The following DLGAP1 variants were observed in gnomAD, a reference collection of about 807,000 sequenced individuals.
DLGAP1 encodes disks large-associated protein 1.
DLGAP1 carries 11 observed loss-of-function variants against 90.8 expected under a neutral mutation model. The ratio of observed to expected loss-of-function variants is 0.12; its 90% confidence interval spans 0.08 to 0.20. The LOEUF (loss-of-function observed/expected upper bound fraction) is 0.20, where lower values mean the gene tolerates loss of function less well. Among genes scored for constraint, DLGAP1 ranks in the 10% least tolerant of loss-of-function variants. The pLI, the probability that DLGAP1 is intolerant of heterozygous loss-of-function variation, is 1.00. For missense variants in DLGAP1, 1,050 were observed against 1,333.8 expected (o/e 0.79, Z 3.31); for synonymous variants, 558 against 540.7 (o/e 1.03, Z -0.44).
chr18:3,760,979 C>G (rs966022166), intron 5 of DLGAP1, among the ~76,000 whole-genome samples: 1 of 152,206 alleles, frequency 6.6e-6, no homozygotes, highest in African/African-American at 2.4e-5. Context: ...CTCTTTAAAA[C>G]AGAGCTAACA....
At chr18:4,183,966 G>A (rs1598569145) in intron 1 of DLGAP1, among the ~76,000 whole-genome samples, 1 of 152,244 alleles carries the variant, frequency 6.6e-6, no homozygotes, top group South Asian at 2.1e-4. Context: ...TACAGAATGT[G>A]CATAATGCCC....
chr18:3,594,621 G>T (rs2056475050), intron 7 of DLGAP1: 2 of 152,242 alleles, frequency 1.3e-5, no homozygotes, highest in African/African-American at 4.8e-5. Flanking sequence ...TAGCTGCAGG[G>T]TTAAACCTCT....
intron 1 of DLGAP1, among the ~76,000 whole-genome samples, chr18:4,265,904 T>C (rs2079120801): frequency 6.6e-6 from 1 of 151,634 alleles, no homozygotes; most frequent in South Asian, 2.1e-4. Flanking sequence ...CCCAGGCTGG[T>C]CTTGAACTCC....
chr18:4,026,657 A>G (rs145520135), intron 2 of DLGAP1, among the ~76,000 whole-genome samples: 148 of 152,340 alleles, frequency 9.7e-4, no homozygotes, highest in African/African-American at 3.4e-3. Context: ...TAATCTGTGA[A>G]GTAGAAACTA....
At chr18:4,392,741 C>T (rs972862409) in intron 1 of DLGAP1, among the ~76,000 whole-genome samples, 6 of 152,142 alleles carry the variant, frequency 3.9e-5, no homozygotes, top group African/African-American at 1.4e-4. Context: ...TTCTGAGATC[C>T]AGCCTCACAT....
intron 3 of DLGAP1, among the ~76,000 whole-genome samples, chr18:3,922,741 C>A (rs1047852324): frequency 6.6e-6 from 1 of 152,064 alleles, no homozygotes; most frequent in East Asian, 1.9e-4. Context: ...CATATATATC[C>A]ATTTCCATGA....
rs566309316 is a variant in DLGAP1 at position 4,290,900 on chromosome 18, C to T, written c.-266-139613G>A. Among the ~76,000 whole-genome samples, 13 of 152,196 alleles carry T rather than the reference C, an allele frequency of 8.5e-5. No homozygotes were observed. The East Asian group carries it at 1.2e-3, about 14-fold the overall frequency. ...CCACCTTGATGTGAAGTGCCCTGTA[C>T]GGAGTGCTCAGCGTGTTTTGATAGT... On this transcript the variant is annotated intron_variant, in intron 1 of 12. Coordinates refer to ENST00000315677, the MANE Select transcript of DLGAP1 (RefSeq NM_004746.4).
At chr18:3,604,232 C>T (rs2057213941) in intron 7 of DLGAP1, 1 of 152,256 alleles carries the variant, frequency 6.6e-6, no homozygotes, top group South Asian at 2.1e-4. Context: ...CTGATATGGG[C>T]TGTCTGTTCC....
At chr18:4,115,759 CA>C (rs2076054077) in intron 2 of DLGAP1, among the ~76,000 whole-genome samples, 1 of 152,178 alleles carries the variant, frequency 6.6e-6, no homozygotes, top group Admixed American at 6.5e-5. Flanking sequence ...CCACCGCGCC[CA>C]GCCCATCTGG....
intron 7 of DLGAP1, among the ~76,000 whole-genome samples, chr18:3,634,719 T>C: frequency 6.6e-6 from 1 of 152,212 alleles, no homozygotes; most frequent in East Asian, 1.9e-4. Flanking sequence ...GATGAGGTAA[T>C]TGGAAAGATA....
intron 2 of DLGAP1, among the ~76,000 whole-genome samples, chr18:4,106,025 C>A (rs2075859296): frequency 9.1e-6 from 1 of 109,702 alleles, no homozygotes; most frequent in Admixed American, 1.1e-4. Flanking sequence ...GAGCGAGGGT[C>A]CGTCTCAAAA....
At chr18:4,055,909 T>C (rs2075207261) in intron 2 of DLGAP1, among the ~76,000 whole-genome samples, 1 of 151,966 alleles carries the variant, frequency 6.6e-6, no homozygotes, top group African/African-American at 2.4e-5. Context: ...GGTGGATGTG[T>C]CATCTTCACT....
intron 7 of DLGAP1, among the ~76,000 whole-genome samples, chr18:3,583,686 G>A (rs771784772): frequency 1.3e-5 from 2 of 152,158 alleles, no homozygotes; most frequent in African/African-American, 2.4e-5. Context: ...GGTGGCTCTC[G>A]CCTGTAATCC....
intron 11 of DLGAP1, among the ~76,000 whole-genome samples, chr18:3,507,876 A>G (rs2050330039): frequency 1.3e-5 from 2 of 150,426 alleles, no homozygotes; most frequent in Non-Finnish European, 2.9e-5. Context: ...AGCTGGGATT[A>G]TAGGCACCTG....
intron 9 of DLGAP1, 115 bp downstream of exon 9, chr18:3,567,375 C>T: frequency 2.3e-6 from 2 of 851,622 alleles, no homozygotes; most frequent in East Asian, 2.5e-5. Flanking sequence ...CCTTTAAATA[C>T]TCCCAAAACT....
chr18:4,176,245 A>G (rs1056028414), intron 1 of DLGAP1, among the ~76,000 whole-genome samples: 1 of 152,310 alleles, frequency 6.6e-6, no homozygotes, highest in East Asian at 1.9e-4. Flanking sequence ...TTCTCACTAC[A>G]TGTTGTAAAT....
chr18:4,249,082 G>A (rs1265443908), intron 1 of DLGAP1, among the ~76,000 whole-genome samples: 6 of 152,094 alleles, frequency 3.9e-5, no homozygotes, highest in African/African-American at 7.2e-5. Flanking sequence ...TGAAAATCCC[G>A]AGGCACTCCC....
At chr18:3,709,107 C>T (rs1230006998) in intron 7 of DLGAP1, among the ~76,000 whole-genome samples, 6 of 152,172 alleles carry the variant, frequency 3.9e-5, no homozygotes, top group African/African-American at 1.2e-4. Context: ...AAAACATAGT[C>T]CTTCCTTCAA....
chr18:3,504,210 G>A (rs1026062352), intron 11 of DLGAP1, among the ~76,000 whole-genome samples: 3 of 151,860 alleles, frequency 2.0e-5, no homozygotes, highest in Admixed American at 1.3e-4. Flanking sequence ...AGTTTATAAA[G>A]TTTTTTTTAG....
Sources: gnomAD v4.1 joint callset for allele counts (sites outside exome capture counted in the v4.1 genomes callset) on GRCh38, gnomAD v4.1.1 for gene constraint, MANE v1.5 for transcripts, NCBI Gene and HGNC (gene_info 2026-07-23, HGNC 2026-07-21) for gene names.